Variants in CDH4 observed in about 807,000 individuals in gnomAD.
CDH4 encodes the protein cadherin-4.
CDH4 carries 33 observed loss-of-function variants against 86.0 expected under a neutral mutation model. The observed-to-expected ratio is 0.38, with a 90% CI of 0.29 to 0.51. CDH4 has a LOEUF of 0.51. CDH4 is among the 20% of genes least tolerant of loss of function. The pLI, the probability that CDH4 is intolerant of heterozygous loss-of-function variation, is 0.86. For missense variants in CDH4, 1,114 were observed against 1,307.4 expected (o/e 0.85, Z 2.28); for synonymous variants, 555 against 549.4 (o/e 1.01, Z -0.14).
intron 4 of CDH4, among the ~76,000 whole-genome samples, chr20:61,820,042 G>A (rs569906601): frequency 2.6e-5 from 4 of 152,244 alleles, no homozygotes; most frequent in South Asian, 2.1e-4. Flanking sequence ...TCCTCCTCCC[G>A]CACTCTCCCA....
intron 3 of CDH4, among the ~76,000 whole-genome samples, chr20:61,771,173 C>T (rs1045854740): frequency 6.6e-6 from 1 of 151,368 alleles, no homozygotes; most frequent in South Asian, 2.1e-4. Context: ...ACCACACCTG[C>T]CTAATTTTAG....
chr20:61,643,178 A>C (rs915586625), intron 2 of CDH4, among the ~76,000 whole-genome samples: 2 of 152,210 alleles, frequency 1.3e-5, no homozygotes, highest in African/African-American at 4.8e-5. Context: ...GCACTGTGTC[A>C]TAACATGAGA....
chr20:61,359,509 G>A (rs762288581), intron 2 of CDH4, among the ~76,000 whole-genome samples: 1 of 152,234 alleles, frequency 6.6e-6, no homozygotes, highest in African/African-American at 2.4e-5. Context: ...CACGCGGCAG[G>A]TTTGAAGGGC....
intron 2 of CDH4, among the ~76,000 whole-genome samples, chr20:61,351,324 A>C (rs1412674258): frequency 6.6e-6 from 1 of 152,188 alleles, no homozygotes; most frequent in Non-Finnish European, 1.5e-5. Context: ...AATATAAGTG[A>C]TCCAGAGGTG....
intron 6 of CDH4, among the ~76,000 whole-genome samples, chr20:61,865,815 G>T (rs140776252): frequency 8.3e-4 from 125 of 150,028 alleles, no homozygotes; most frequent in Non-Finnish European, 1.3e-3. Context: ...ATGATAGCTG[G>T]CTTCCTGGCT....
intron 2 of CDH4, among the ~76,000 whole-genome samples, chr20:61,436,015 G>A (rs577943572): frequency 6.6e-6 from 1 of 152,086 alleles, no homozygotes; most frequent in East Asian, 1.9e-4. Flanking sequence ...CCCACCACAG[G>A]ACCTTTGCAC....
rs866965260 is a variant in CDH4 at position 61,866,968 on chromosome 20, G to A, written c.878-6760G>A. ...GGGCCTCCCAAAGAGGGGCCCTGCC[G>A]TCGCCCTTTCCCGGGAAGGAGATGA... On this transcript the variant is annotated intron_variant, in intron 6 of 15. Transcript: ENST00000614565. Among the ~76,000 whole-genome samples the A allele has an allele frequency of 5.9e-5, 9 of 152,220 alleles. No homozygotes were observed. The South Asian group carries it at 6.2e-4, about 11-fold the overall frequency.
At chr20:61,565,214 T>TTGGTGATGGGGTGG (rs1568688420) in intron 2 of CDH4, among the ~76,000 whole-genome samples, 1 of 31,300 alleles carries the variant, frequency 3.2e-5, no homozygotes, top group East Asian at 5.3e-4. Context: ...CGCGGTGCTC[T>TTGGTGATGGGGTGG]CGGTGGTAGG....
At chr20:61,254,654 A>C (rs2084087603) in intron 1 of CDH4, among the ~76,000 whole-genome samples, 172 bp from the exon 2 acceptor site, 1 of 152,110 alleles carries the variant, frequency 6.6e-6, no homozygotes, top group South Asian at 2.1e-4. Flanking sequence ...TGCTCCCTAA[A>C]GTCCCCAGAG....
chr20:61,390,859 A>G (rs2084981605), intron 2 of CDH4, among the ~76,000 whole-genome samples: 1 of 152,254 alleles, frequency 6.6e-6, no homozygotes, highest in African/African-American at 2.4e-5. Flanking sequence ...TAGGGTGCCC[A>G]TAGCACCATG....
At chr20:61,686,515 G>A (rs2087577555) in intron 2 of CDH4, among the ~76,000 whole-genome samples, 1 of 151,564 alleles carries the variant, frequency 6.6e-6, no homozygotes, top group Non-Finnish European at 1.5e-5. Context: ...ATATGTGTGT[G>A]CATTCGTGTG....
chr20:61,451,170 C>T (rs980114950), intron 2 of CDH4, among the ~76,000 whole-genome samples: 7 of 147,040 alleles, frequency 4.8e-5, no homozygotes, highest in African/African-American at 1.8e-4. Flanking sequence ...CATGTTTCTT[C>T]AATAGAGTCT....
intron 2 of CDH4, among the ~76,000 whole-genome samples, chr20:61,346,057 C>T (rs893834342): frequency 2.6e-5 from 4 of 152,182 alleles, no homozygotes; most frequent in East Asian, 1.9e-4. Flanking sequence ...TAAATGCTCA[C>T]GCGGGACAAA....
At chr20:61,858,301 CTG>C (rs1382245763) in intron 6 of CDH4, among the ~76,000 whole-genome samples, 1 of 135,152 alleles carries the variant, frequency 7.4e-6, no homozygotes, top group African/African-American at 2.8e-5. Context: ...GTGTGTGTCT[CTG>C]TGTCTGTATG....
At chr20:61,282,963 G>A (rs6101292) in intron 2 of CDH4, among the ~76,000 whole-genome samples, 3,466 of 18,142 alleles carry the variant, frequency 0.19, 286 homozygotes, top group East Asian at 0.33. Context: ...ATGTACGTGC[G>A]TTTGCACGCG....
intron 2 of CDH4, among the ~76,000 whole-genome samples, chr20:61,279,379 G>A (rs957742377): frequency 5.3e-5 from 8 of 152,158 alleles, no homozygotes; most frequent in East Asian, 3.9e-4. Context: ...AGGAAACCTC[G>A]GCCTTTTCCC....
At chr20:61,584,966 C>T (rs935856598) in intron 2 of CDH4, among the ~76,000 whole-genome samples, 5 of 152,184 alleles carry the variant, frequency 3.3e-5, no homozygotes, top group African/African-American at 1.2e-4. Flanking sequence ...AAGCCATCGC[C>T]GATGTGAGGC....
At chr20:61,369,097 A>G (rs1417750612) in intron 2 of CDH4, among the ~76,000 whole-genome samples, 2 of 152,152 alleles carry the variant, frequency 1.3e-5, no homozygotes, top group Non-Finnish European at 2.9e-5. Flanking sequence ...TTAAATCCAG[A>G]TTAAAGAAAA....
At chr20:61,612,938 C>A (rs1223955851) in intron 2 of CDH4, among the ~76,000 whole-genome samples, 1 of 152,036 alleles carries the variant, frequency 6.6e-6, no homozygotes, top group Non-Finnish European at 1.5e-5. Flanking sequence ...CAGGAGCATT[C>A]TTCCATCATC....
Sources: allele counts gnomAD v4.1 joint callset (sites outside exome capture counted in the v4.1 genomes callset), GRCh38; gene constraint gnomAD v4.1.1; transcripts MANE v1.5; gene names NCBI Gene and HGNC (gene_info 2026-07-23, HGNC 2026-07-21).